The following GRM7 variants were observed in gnomAD, a reference collection of about 807,000 sequenced individuals.
The protein encoded by GRM7 is metabotropic glutamate receptor 7.
A neutral mutation model predicts 84.5 loss-of-function variants in GRM7; 35 were observed. The ratio of observed to expected loss-of-function variants is 0.41; its 90% CI spans 0.32 to 0.55. The LOEUF is 0.55. Ranked by LOEUF, GRM7 falls within the 20% of genes least tolerant of loss-of-function variation. The pLI is 0.19. For synonymous variants in GRM7, 487 were observed against 455.1 expected, an observed-to-expected ratio of 1.07 and a Z score of -0.89; for missense variants, 1,003 against 1,194.6, an observed-to-expected ratio of 0.84 and a Z score of 2.36.
At chr3:7,318,935 A>G (rs1285595255) in intron 4 of GRM7, among the ~76,000 whole-genome samples, 1 of 152,096 alleles carries the variant, frequency 6.6e-6, no homozygotes, top group African/African-American at 2.4e-5. Context: ...CATTTCAGAC[A>G]AAAATGCCAA....
chr3:7,550,855 C>T (rs1423724351), intron 7 of GRM7, among the ~76,000 whole-genome samples: 5 of 152,030 alleles, frequency 3.3e-5, no homozygotes, highest in Non-Finnish European at 5.9e-5. Flanking sequence ...CTCCTTCAGT[C>T]TCAATTGACT....
chr3:7,481,953 C>T (rs1249555424), intron 7 of GRM7, among the ~76,000 whole-genome samples: 2 of 152,164 alleles, frequency 1.3e-5, no homozygotes, highest in African/African-American at 4.8e-5. Flanking sequence ...CTTTGGGAGG[C>T]TGAGGCGAGT....
chr3:7,140,844 G>T (rs1693923063), intron 1 of GRM7, among the ~76,000 whole-genome samples: 1 of 151,948 alleles, frequency 6.6e-6, no homozygotes, highest in Non-Finnish European at 1.5e-5. Flanking sequence ...GGTCCCCACG[G>T]TATTTTTGAA....
At chr3:7,271,173 A>G (rs1394964070) in intron 2 of GRM7, among the ~76,000 whole-genome samples, 3 of 152,230 alleles carry the variant, frequency 2.0e-5, no homozygotes, top group Non-Finnish European at 4.4e-5. Flanking sequence ...CCTCAAGGTT[A>G]TATGTTGAAA....
At chr3:7,178,215 A>G (rs1198980122) in intron 2 of GRM7, among the ~76,000 whole-genome samples, 2 of 152,250 alleles carry the variant, frequency 1.3e-5, no homozygotes, top group African/African-American at 4.8e-5. Flanking sequence ...TGCATTAATT[A>G]AATTACTCTG....
At chr3:7,315,748 C>G (rs945633143) in intron 4 of GRM7, among the ~76,000 whole-genome samples, 5 of 152,132 alleles carry the variant, frequency 3.3e-5, no homozygotes, top group Non-Finnish European at 7.4e-5. Context: ...CTTTCCCATC[C>G]TATTTGTCTT....
intron 7 of GRM7, among the ~76,000 whole-genome samples, chr3:7,536,798 G>C (rs1428700499): frequency 6.6e-6 from 1 of 152,164 alleles, no homozygotes; most frequent in East Asian, 1.9e-4. Context: ...GCTGTGACCA[G>C]CCCTTCAAGG....
chr3:7,661,734 C>T (rs565088999), intron 8 of GRM7, among the ~76,000 whole-genome samples: 93 of 132,050 alleles, frequency 7.0e-4, no homozygotes, highest in Non-Finnish European at 1.5e-4. Context: ...GCAGAGCTGG[C>T]AGTGAGCCGA....
intron 1 of GRM7, among the ~76,000 whole-genome samples, chr3:6,973,314 T>A (rs1693838072): frequency 6.6e-6 from 1 of 152,258 alleles, no homozygotes; most frequent in East Asian, 1.9e-4. Flanking sequence ...GAACATCTAC[T>A]ATGTACCATG....
chr3:7,483,795 A>G (rs1699220814), intron 7 of GRM7, among the ~76,000 whole-genome samples: 2 of 151,916 alleles, frequency 1.3e-5, no homozygotes, highest in African/African-American at 4.8e-5. Context: ...CTATGTATAT[A>G]TGTTATATAT....
chr3:7,497,938 C>A (rs1699760771), intron 7 of GRM7, among the ~76,000 whole-genome samples: 1 of 152,130 alleles, frequency 6.6e-6, no homozygotes, highest in East Asian at 1.9e-4. Flanking sequence ...TACTAACAAT[C>A]AATAATAATT....
At chr3:6,996,367 T>C (rs1362078568) in intron 1 of GRM7, among the ~76,000 whole-genome samples, 1 of 152,154 alleles carries the variant, frequency 6.6e-6, no homozygotes, top group Non-Finnish European at 1.5e-5. Context: ...AAATTTTTAA[T>C]AGAATTATTT....
chr3:7,687,729 C>CTTGTTTGTGTAA (rs1163922457), intron 9 of GRM7, among the ~76,000 whole-genome samples: 2 of 152,074 alleles, frequency 1.3e-5, no homozygotes, highest in African/African-American at 4.8e-5. Context: ...TCTTCCCATC[C>CTTGTTTGTGTAA]TTGTTTGTGT....
At chr3:7,391,564 CG>C (rs961576887) in intron 4 of GRM7, among the ~76,000 whole-genome samples, 2 of 151,502 alleles carry the variant, frequency 1.3e-5, no homozygotes, top group East Asian at 1.9e-4. Context: ...TGTCGTGGGG[CG>C]GGGGAAGTGG....
chr3:7,181,510 T>C (rs1695335574), intron 2 of GRM7, among the ~76,000 whole-genome samples: 1 of 152,230 alleles, frequency 6.6e-6, no homozygotes, highest in South Asian at 2.1e-4. Flanking sequence ...AATCTCTGTA[T>C]TTTACAAGCT....
At chr3:7,018,389 T>A (rs1200193026) in intron 1 of GRM7, among the ~76,000 whole-genome samples, 1 of 152,240 alleles carries the variant, frequency 6.6e-6, no homozygotes, top group African/African-American at 2.4e-5. Context: ...CCTGCAGGTG[T>A]CTGGTGTTTG....
intron 4 of GRM7, among the ~76,000 whole-genome samples, chr3:7,331,870 T>G (rs796131974): frequency 1.2e-4 from 19 of 152,262 alleles, no homozygotes; most frequent in African/African-American, 4.6e-4. Context: ...TTATATTTTT[T>G]AAAGGTTCCC....
chr3:7,117,857 A>G (rs1056791228), intron 1 of GRM7, among the ~76,000 whole-genome samples: 2 of 152,164 alleles, frequency 1.3e-5, no homozygotes, highest in African/African-American at 2.4e-5. Context: ...GAAGTTCCTC[A>G]GCAATGAATG....
chr3:7,612,977 T>G (rs1249692172), intron 8 of GRM7, among the ~76,000 whole-genome samples: 2 of 152,154 alleles, frequency 1.3e-5, no homozygotes, highest in East Asian at 3.8e-4. Flanking sequence ...GCTGCTTTAA[T>G]GAGCAGATAA....
Sources: gnomAD v4.1 joint callset for allele counts (sites outside exome capture counted in the v4.1 genomes callset) on GRCh38, gnomAD v4.1.1 for gene constraint, MANE v1.5 for transcripts, NCBI Gene and HGNC (gene_info 2026-07-23, HGNC 2026-07-21) for gene names.